The following HIVEP1 variants were observed in gnomAD, a reference collection of about 807,000 sequenced individuals.
The protein encoded by HIVEP1 is zinc finger protein 40.
HIVEP1 carries 36 observed loss-of-function variants against 180.0 expected under a neutral mutation model. That is an observed-to-expected ratio of 0.20 (90% CI 0.15 to 0.26). The LOEUF (loss-of-function observed/expected upper bound fraction) is 0.26, where lower values mean the gene tolerates loss of function less well. Ranked by LOEUF, HIVEP1 falls within the 10% of genes least tolerant of loss-of-function variation. HIVEP1 has a pLI of 1.00. For synonymous variants in HIVEP1, 1,239 were observed against 1,239.0 expected (o/e 1.00, Z 0.00); for missense variants, 3,143 against 3,268.7 (o/e 0.96, Z 0.94).
chr6:12,083,507 A>G (rs1187772266), intron 2 of HIVEP1, among the ~76,000 whole-genome samples: 8 of 152,104 alleles, frequency 5.3e-5, no homozygotes, highest in Non-Finnish European at 2.9e-5. Context: ...AAGCAAACAG[A>G]CTCTCAGAAT....
intron 2 of HIVEP1, among the ~76,000 whole-genome samples, chr6:12,073,086 T>C (rs1772093364): frequency 6.6e-6 from 1 of 152,230 alleles, no homozygotes; most frequent in African/African-American, 2.4e-5. Flanking sequence ...TATCATGTGT[T>C]TTCTAGCAGG....
chr6:12,146,206 G>T (rs1759364765), intron 7 of HIVEP1, among the ~76,000 whole-genome samples: 1 of 152,226 alleles, frequency 6.6e-6, no homozygotes, highest in Non-Finnish European at 1.5e-5. Flanking sequence ...ACTTTGGGAG[G>T]CCAAAGCAGG....
At chr6:12,009,971 A>G (rs1238503973), upstream of HIVEP1, among the ~76,000 whole-genome samples, 1 of 152,258 alleles carries the variant, frequency 6.6e-6, no homozygotes, top group African/African-American at 2.4e-5. Flanking sequence ...AACGTTATTC[A>G]TTCAGTTAGC....
rs376844252 is a variant in HIVEP1 at position 12,083,347 on chromosome 6, T to C, written c.41-5837T>C. Among the ~76,000 whole-genome samples, 19 of 152,320 alleles carry C rather than the reference T, an allele frequency of 1.2e-4. No individual in the cohort carries two copies. In the East Asian group the frequency reaches 2.5e-3, roughly 20 times the overall value. The stretch of plus-strand genomic sequence containing the variant: ...GTTTAACCAGCTCCATATTGTTTTG[T>C]ATATAGAATTCCTGCCAAGTTATTA... On this transcript the variant is annotated intron_variant, in intron 2 of 8. Coordinates refer to ENST00000379388, the MANE Select transcript of HIVEP1 (RefSeq NM_002114.4).
chr6:12,055,726 C>T (rs12208186), intron 2 of HIVEP1, among the ~76,000 whole-genome samples: 33,374 of 152,012 alleles, frequency 0.22, 4,071 homozygotes, highest in East Asian at 0.37. Context: ...GTTATTTCTG[C>T]CAGCATCCTG....
intron 8 of HIVEP1, 152 bp downstream of exon 8, chr6:12,162,081 A>G (rs1423918575): frequency 2.9e-6 from 2 of 693,216 alleles, no homozygotes; most frequent in Non-Finnish European, 4.7e-6. Context: ...ATTTAAGGGT[A>G]GAGGGTATTT....
At chr6:12,154,200 A>G (rs1282122105) in intron 7 of HIVEP1, among the ~76,000 whole-genome samples, 3 of 152,172 alleles carry the variant, frequency 2.0e-5, no homozygotes, top group Admixed American at 6.5e-5. Flanking sequence ...TCTCTTCTTC[A>G]CCCACAGTGA....
intron 2 of HIVEP1, among the ~76,000 whole-genome samples, chr6:12,068,214 C>T (rs1771728725): frequency 6.6e-6 from 1 of 152,078 alleles, no homozygotes; most frequent in Admixed American, 6.5e-5. Flanking sequence ...CCTCAGCCTC[C>T]CAAATAGCTG....
intron 2 of HIVEP1, chr6:12,020,155 AG>A (rs1296592257): frequency 1.6e-5 from 6 of 383,970 alleles, no homozygotes; most frequent in Non-Finnish European, 3.2e-5. Flanking sequence ...TATACTGTGT[AG>A]GACTGTGGTT....
At chr6:12,056,354 A>G (rs1581594475) in intron 2 of HIVEP1, among the ~76,000 whole-genome samples, 1 of 152,214 alleles carries the variant, frequency 6.6e-6, no homozygotes, top group Non-Finnish European at 1.5e-5. Context: ...ATTAATATTA[A>G]TAATAATAAT....
At chr6:12,011,361 C>T (rs1767287208), upstream of HIVEP1, among the ~76,000 whole-genome samples, 1 of 145,636 alleles carries the variant, frequency 6.9e-6, no homozygotes, top group Non-Finnish European at 1.5e-5. Context: ...GGCCCACATC[C>T]TGCTGTAGAA....
At chr6:12,182,686 A>G in the HIVEP1 span, among the ~76,000 whole-genome samples, 3 of 152,172 alleles carry the variant, frequency 2.0e-5, no homozygotes, top group Admixed American at 6.5e-5. Flanking sequence ...GTGACTTGCT[A>G]TCTCTGATCT....
chr6:12,201,256 C>T, the HIVEP1 span, among the ~76,000 whole-genome samples: 1 of 152,146 alleles, frequency 6.6e-6, no homozygotes, highest in Non-Finnish European at 1.5e-5. Context: ...GTGGGCGAAT[C>T]GTTTGAGCCC....
chr6:12,095,937 T>C (rs1334118771), intron 3 of HIVEP1, among the ~76,000 whole-genome samples: 1 of 152,070 alleles, frequency 6.6e-6, no homozygotes, highest in Non-Finnish European at 1.5e-5. Flanking sequence ...GATGAGATTA[T>C]GATAGCAGTC....
At position 12,121,266 on chromosome 6, in the gene HIVEP1, G is replaced by T. The variant is rs749788697; in HGVS notation, c.1471G>T (p.Asp491Tyr). The change falls in exon 4 of 9, where the codon GAC becomes TAC. Residue 491 changes from aspartate (D) to tyrosine (Y), a missense_variant. This residue lies in a region of HIVEP1 where 365 missense variants were observed against 344.4 expected (regional missense o/e 1.06). Transcript: ENST00000379388. This position sits in a 1 kb window ranked among gnomAD's most constrained non-coding sequence, Gnocchi z 5.3. ...ACTTAGTATTCATTCAGACGTAGAA[G>T]ACAGTGGGGAGAGCGAGGAGGAAGG... ...KALSIHSDVE[D>Y]SGESEEEGAT... is the part of the protein sequence containing the mutation. The T allele has an allele frequency of 2.5e-6, 4 of 1,614,166 alleles. No individual in the cohort carries two copies. In the South Asian group the frequency reaches 4.4e-5, roughly 18 times the overall value.
rs1305013149 is a variant in HIVEP1 at position 12,124,444 on chromosome 6, C to G, written c.4649C>G (p.Ser1550Cys). Reference protein sequence around the residue: ...PDKNSVLSGSSKSEDCFAPKY... With the variant: ...PDKNSVLSGSCKSEDCFAPKY... Reference sequence around the variant, plus strand: ...AAAAATTCTGTTTTATCTGGGTCTTCTAAAAGTGAGGATTGCTTTGCTCCC... The same window carrying G: ...AAAAATTCTGTTTTATCTGGGTCTTGTAAAAGTGAGGATTGCTTTGCTCCC... Residue 1550 changes from serine (S) to cysteine (C), a missense_variant, in exon 4 of 9, where the codon TCT (serine) becomes TGT (cysteine). By Grantham distance (112) the Ser-to-Cys change is moderately radical (BLOSUM62 -1). Coordinates refer to ENST00000379388, the MANE Select transcript of HIVEP1 (RefSeq NM_002114.4). 1.2e-6 allele frequency: 2 copies of G among 1,614,160 alleles called. No homozygotes were observed. The highest frequency in any genetic ancestry group is 8.5e-7 in the Non-Finnish European group (1 of 1,180,028).
At chr6:12,062,312 C>T (rs977499469) in intron 2 of HIVEP1, among the ~76,000 whole-genome samples, 1 of 151,994 alleles carries the variant, frequency 6.6e-6, no homozygotes, top group Admixed American at 6.6e-5. Context: ...CCTTATTTGG[C>T]TTCCTAAACC....
At chr6:12,085,514 A>G (rs1248987826) in intron 2 of HIVEP1, among the ~76,000 whole-genome samples, 1 of 152,176 alleles carries the variant, frequency 6.6e-6, no homozygotes, top group African/African-American at 2.4e-5. Flanking sequence ...ATTTGTAAGG[A>G]TACACTAAAG....
At chr6:12,043,355 A>ATTTT (rs1304144063) in intron 2 of HIVEP1, among the ~76,000 whole-genome samples, 14 of 109,894 alleles carry the variant, frequency 1.3e-4, no homozygotes, top group Admixed American at 2.1e-4. Flanking sequence ...CTAAGTGAAA[A>ATTTT]TTTTTTTTTT....
Sources: allele counts gnomAD v4.1 joint callset (sites outside exome capture counted in the v4.1 genomes callset), GRCh38; gene constraint gnomAD v4.1.1; regional missense constraint gnomAD v4.1.1; non-coding constraint Gnocchi (gnomAD v3.1); transcripts MANE v1.5; gene names NCBI Gene and HGNC (gene_info 2026-07-23, HGNC 2026-07-21).